Variants in SNX14 observed in about 807,000 individuals in gnomAD.
SNX14 encodes sorting nexin-14.
SNX14 carries 93 observed loss-of-function variants against 133.8 expected under a neutral mutation model. That is an observed-to-expected ratio of 0.70 (90% CI 0.59 to 0.83). The LOEUF (loss-of-function observed/expected upper bound fraction) is 0.83, where lower values mean the gene tolerates loss of function less well. Ranked by LOEUF, SNX14 falls within the 40% of genes least tolerant of loss-of-function variation. The probability of loss-of-function intolerance (pLI) is 0.00; values close to 1 mark genes in which losing one functional copy is unlikely to be tolerated. For missense variants in SNX14, 945 were observed against 1,094.9 expected, an observed-to-expected ratio of 0.86 and a Z score of 1.93; for synonymous variants, 368 against 365.6, an observed-to-expected ratio of 1.01 and a Z score of -0.07.
At chr6:85,589,222 CCACTT>C (rs1198490860) in intron 1 of SNX14, 1 of 171,736 alleles carries the variant, frequency 5.8e-6, no homozygotes, top group Non-Finnish European at 1.2e-5. Context: ...TGTTCTGGCA[CCACTT>C]TTTTTTTTTT....
chr6:85,514,562 T>C lies in SNX14; in HGVS notation c.2336A>G (p.Asn779Ser), dbSNP rs1375031492. The C allele has an allele frequency of 6.2e-7, 1 of 1,613,404 alleles. No individual in the cohort carries two copies. Among genetic ancestry groups the C allele is most frequent in the South Asian group, 1.1e-5 (1 of 91,066 alleles). ...TACAGTCATCACCTCCATAAAATAA[T>C]TCTGATTTTGCTTTCTCTCTGTATT... ...AENTERKQNQ[N>S]YFMEVMTVEG... The change falls in exon 24 of 29, where the codon AAT (asparagine) becomes AGT (serine). Residue 779 changes from asparagine (N) to serine (S), a missense_variant. Transcript: ENST00000314673.
intron 1 of SNX14, among the ~76,000 whole-genome samples, chr6:85,583,714 A>C (rs765922877): frequency 1.1e-4 from 16 of 152,232 alleles, no homozygotes; most frequent in Non-Finnish European, 2.1e-4. Flanking sequence ...CTCTTCAAAG[A>C]GAACTACAAA....
chr6:85,523,745 A>T (rs921352931), intron 21 of SNX14, among the ~76,000 whole-genome samples: 1 of 152,124 alleles, frequency 6.6e-6, no homozygotes, highest in African/African-American at 2.4e-5. Context: ...AGCCTGGGTG[A>T]CAGAGAGACT....
chr6:85,589,101 C>A (rs1801978858), intron 1 of SNX14: 1 of 259,020 alleles, frequency 3.9e-6, no homozygotes, highest in Non-Finnish European at 7.9e-6. Context: ...TTTCTTCTAC[C>A]ATTTGCTTTA....
intron 6 of SNX14, among the ~76,000 whole-genome samples, chr6:85,564,799 C>T (rs1369344079): frequency 6.6e-6 from 1 of 151,924 alleles, no homozygotes; most frequent in African/African-American, 2.4e-5. Context: ...ACCATCCTGG[C>T]TAACACGGTG....
rs532016778 is a variant in SNX14 at position 85,578,149 on chromosome 6, C to T, written c.141-3771G>A. Among the ~76,000 whole-genome samples the T allele has an allele frequency of 2.6e-5, 4 of 152,134 alleles. No homozygotes were observed. In the South Asian group the frequency reaches 8.3e-4, roughly 32 times the overall value. On this transcript the variant is annotated intron_variant, in intron 1 of 28. Coordinates refer to ENST00000314673, the MANE Select transcript of SNX14 (RefSeq NM_153816.6). ...AAGAAGTACAAAAAAAGAAATAATG[C>T]GTAAATACTATCTTACAGAAGGTAG... is the stretch of plus-strand genomic sequence containing the variant.
intron 16 of SNX14, among the ~76,000 whole-genome samples, chr6:85,537,177 T>G (rs1316416128): frequency 1.3e-5 from 2 of 152,128 alleles, no homozygotes; most frequent in African/African-American, 4.8e-5. Flanking sequence ...CACTCAAAAT[T>G]TACCTAGTAT....
At chr6:85,565,500 T>C (rs1793530530) in intron 5 of SNX14, 81 bp from the exon 6 acceptor site, 1 of 981,716 alleles carries the variant, frequency 1.0e-6, no homozygotes, top group Non-Finnish European at 1.5e-6. Flanking sequence ...AAAATTTTCC[T>C]TTTTTCTGTT....
At position 85,543,303 on chromosome 6, in the gene SNX14, G is replaced by A. The variant is rs750938702; in HGVS notation, c.1268C>T (p.Ala423Val). 4 of 1,560,146 alleles carry A rather than the reference G, an allele frequency of 2.6e-6. No individual in the cohort carries two copies. The highest frequency in any genetic ancestry group is 2.6e-6 in the Non-Finnish European group (3 of 1,160,754). The change falls in exon 14 of 29, where the codon GCT (alanine) becomes GTT (valine). Residue 423 changes from alanine (A) to valine (V), a missense_variant. Around this residue, in one of 3 missense-constraint regions of SNX14, gnomAD observed 514 missense variants for 538.8 expected, o/e 0.95. Transcript: ENST00000314673. Reference sequence around the variant, plus strand: ...CACAACATCTATGTATGGGCCTTCAGCAACTATTAAAAAAATTCTACTGTA... The same window carrying A: ...CACAACATCTATGTATGGGCCTTCAACAACTATTAAAAAAATTCTACTGTA... ...PFIVEEIQRI[A>V]EGPYIDVVKL...
At chr6:85,542,587 G>A (rs1362675828) in intron 14 of SNX14, among the ~76,000 whole-genome samples, 1 of 151,718 alleles carries the variant, frequency 6.6e-6, no homozygotes, top group Non-Finnish European at 1.5e-5. Context: ...GTAGAGAAGG[G>A]GTTTCAATGT....
Position 85,547,557 on chromosome 6 carries a change from GA to G in SNX14, c.868-8del, listed in dbSNP as rs541678552. ...GCAAATGATTCACAGTATCCTAGTG[GA>G]AAATAATAAACATAAGTCAAAATAA... On this transcript the variant is annotated splice_region_variant and splice_polypyrimidine_tract_variant and intron_variant, in intron 9 of 28. Transcript: ENST00000314673. 302 of 1,591,406 alleles carry G rather than the reference GA, an allele frequency of 1.9e-4. 1 individual carries two copies. The African/African-American group carries it at 3.8e-3, about 20-fold the overall frequency.
At chr6:85,536,560 T>A (rs946398430) in intron 17 of SNX14, among the ~76,000 whole-genome samples, 1 of 152,192 alleles carries the variant, frequency 6.6e-6, no homozygotes, top group Admixed American at 6.5e-5. Flanking sequence ...TCTGCCTTAA[T>A]AAGCAATAAC....
chr6:85,540,164 G>A (rs2128052190), intron 15 of SNX14, among the ~76,000 whole-genome samples: 1 of 152,172 alleles, frequency 6.6e-6, no homozygotes, highest in East Asian at 1.9e-4. Flanking sequence ...GTTTCACCAT[G>A]TTGGCCAGGC....
chr6:85,526,105 T>C (rs748347148), intron 21 of SNX14, 21 bp downstream of exon 21: 15 of 1,418,088 alleles, frequency 1.1e-5, no homozygotes, highest in Middle Eastern at 1.9e-4. Flanking sequence ...TATCTTATAA[T>C]GATTCTTTAA....
At chr6:85,592,032 A>T (rs560620170) in intron 1 of SNX14, among the ~76,000 whole-genome samples, 1 of 152,296 alleles carries the variant, frequency 6.6e-6, no homozygotes, top group African/African-American at 2.4e-5. Flanking sequence ...AATAAAAATA[A>T]AAATCATATG....
In SNX14 at chr6:85,548,181, G is replaced by T. The variant is rs938282123; in HGVS notation, c.867+120C>A. 11 of 686,928 alleles carry T rather than the reference G, an allele frequency of 1.6e-5. No individual in the cohort carries two copies. The African/African-American group carries it at 1.7e-4, about 10-fold the overall frequency. The allele number at this position is 686,928 out of a possible 1,614,324, so 42.6% of individuals were successfully genotyped here. A position where few individuals can be genotyped will look rare whatever the true frequency, so the allele number is the denominator to read the frequency against. On this transcript the variant is annotated intron_variant, in intron 9 of 28. Coordinates refer to ENST00000314673, the MANE Select transcript of SNX14 (RefSeq NM_153816.6). Reference sequence around the variant, plus strand: ...AGTTCTGGAGATGGGGAATGGGGATGGTTGCACAACAATATGAATGTTTTC... The same window carrying T: ...AGTTCTGGAGATGGGGAATGGGGATTGTTGCACAACAATATGAATGTTTTC...
chr6:85,531,953 G>A (rs1023075033), intron 18 of SNX14, among the ~76,000 whole-genome samples: 2 of 152,016 alleles, frequency 1.3e-5, no homozygotes, highest in African/African-American at 2.4e-5. Context: ...ACTTGAACCC[G>A]GGAAGTTGAG....
chr6:85,529,895 G>A (rs531421273), intron 19 of SNX14, among the ~76,000 whole-genome samples: 65 of 151,910 alleles, frequency 4.3e-4, no homozygotes, highest in African/African-American at 1.5e-3. Flanking sequence ...GATGAGACAG[G>A]AAGAACGAAA....
At chr6:85,508,221 A>G (rs1771422949) in intron 26 of SNX14, 162 bp from the exon 27 acceptor site, 4 of 1,293,214 alleles carry the variant, frequency 3.1e-6, no homozygotes, top group African/African-American at 3.0e-5. Flanking sequence ...CCTGGATAAG[A>G]GGTTTCTATG....
Sources: allele counts gnomAD v4.1 joint callset (sites outside exome capture counted in the v4.1 genomes callset), GRCh38; gene constraint gnomAD v4.1.1; regional missense constraint gnomAD v4.1.1; transcripts MANE v1.5; gene names NCBI Gene and HGNC (gene_info 2026-07-23, HGNC 2026-07-21).